COL8A2: variants seen among roughly 807,000 people sequenced by gnomAD.
COL8A2 encodes the protein collagen alpha-2(VIII) chain.
COL8A2 carries 16 observed loss-of-function variants against 24.0 expected under a neutral mutation model. The observed-to-expected ratio is 0.67, with a 90% CI of 0.45 to 1.01. The LOEUF (loss-of-function observed/expected upper bound fraction) is 1.01, where lower values mean the gene tolerates loss of function less well. Among genes scored for constraint, COL8A2 ranks in the 50% least tolerant of loss-of-function variants. The pLI, the probability that COL8A2 is intolerant of heterozygous loss-of-function variation, is 0.00. For synonymous variants in COL8A2, 466 were observed against 424.5 expected, an observed-to-expected ratio of 1.10 and a Z score of -1.20; for missense variants, 818 against 942.4, an observed-to-expected ratio of 0.87 and a Z score of 1.73.
At chr1:36,108,142 G>T (rs1435597059) in intron 2 of COL8A2, among the ~76,000 whole-genome samples, 1 of 152,250 alleles carries the variant, frequency 6.6e-6, no homozygotes, top group Non-Finnish European at 1.5e-5. Context: ...CACCCAGGGA[G>T]TCCATTCCCC....
rs1206633961 is a variant in COL8A2, at chr1:36,096,794, G to A, written c.*775C>T. The A allele has an allele frequency of 6.6e-6, 1 of 152,382 alleles. No individual in the cohort carries two copies. The highest frequency in any genetic ancestry group is 1.5e-5 in the Non-Finnish European group (1 of 68,196). The allele number at this position is 152,382 out of a possible 1,614,324, so 9.4% of individuals were successfully genotyped here. A position where few individuals can be genotyped will look rare whatever the true frequency, so the allele number is the denominator to read the frequency against. On this transcript the variant is annotated 3_prime_UTR_variant, in exon 4 of 4. Coordinates refer to ENST00000397799, the MANE Select transcript of COL8A2 (RefSeq NM_005202.4). ...CTTTCTGGCCTGTAGGTGTCCCAGG[G>A]GCCTCTGTGCTGCCCTCAAGCTAAA...
In COL8A2 at chr1:36,100,249, C is replaced by T. The variant is rs760493536; in HGVS notation, c.-7G>A. ...GTGTCAGAGTCCCCAGCATGGCGTCCGTGGACGTGCTGCAAAGAAGAACAG... is the reference window on the plus strand; with the variant it reads ...GTGTCAGAGTCCCCAGCATGGCGTCTGTGGACGTGCTGCAAAGAAGAACAG... On this transcript the variant is annotated 5_prime_UTR_variant, in exon 3 of 4. Transcript: ENST00000397799. 19 of 1,547,994 alleles carry T rather than the reference C, an allele frequency of 1.2e-5. No individual in the cohort carries two copies. The East Asian group carries it at 2.4e-4, about 20-fold the overall frequency.
intron 1 of COL8A2, among the ~76,000 whole-genome samples, chr1:36,124,056 G>A (rs1463328852): frequency 6.6e-6 from 1 of 152,178 alleles, no homozygotes; most frequent in Non-Finnish European, 1.5e-5. Flanking sequence ...CAAATGCCCA[G>A]TACAGCTGCT....
chr1:36,118,861 G>C (rs140438227), intron 1 of COL8A2, among the ~76,000 whole-genome samples: 1 of 152,188 alleles, frequency 6.6e-6, no homozygotes, highest in Non-Finnish European at 1.5e-5. Context: ...CTCCTACTAC[G>C]GGCAGGCTCT....
chr1:36,098,469 T>C lies in COL8A2; in HGVS notation c.1212A>G (p.Lys404=), dbSNP rs1247889073. The C allele has an allele frequency of 6.3e-7, 1 of 1,575,270 alleles. No homozygotes were observed. The highest frequency in any genetic ancestry group is 1.8e-5 in the Admixed American group (1 of 55,186). The part of the protein sequence containing the change: ...GDQGPSGLAG[K]PGVPGERGLP... ...GTCCCCTCTCACCTGGGACCCCTGG[T>C]TTCCCAGCCAGGCCACTAGGCCCCT... The change falls in exon 4 of 4, where the codon AAA becomes AAG. Residue 404 remains lysine, a synonymous_variant. Coordinates refer to ENST00000397799, the MANE Select transcript of COL8A2 (RefSeq NM_005202.4).
chr1:36,121,065 G>A (rs1284912091), intron 1 of COL8A2, among the ~76,000 whole-genome samples: 9 of 151,212 alleles, frequency 6.0e-5, no homozygotes, highest in Admixed American at 5.9e-4. Flanking sequence ...CTCCAGCCTG[G>A]GCGACAGAGT....
chr1:36,100,339 T>G, intron 2 of COL8A2, 81 bp from the exon 3 acceptor site: 1 of 1,211,068 alleles, frequency 8.3e-7, no homozygotes, highest in Non-Finnish European at 1.2e-6. Context: ...AAGATCAGAA[T>G]TTAGAGATTA....
chr1:36,118,782 G>A (rs1014483924), intron 1 of COL8A2, among the ~76,000 whole-genome samples: 1 of 152,152 alleles, frequency 6.6e-6, no homozygotes, highest in African/African-American at 2.4e-5. Flanking sequence ...CTGAGGTGCT[G>A]ATGGCCATGA....
intron 2 of COL8A2, among the ~76,000 whole-genome samples, chr1:36,114,318 C>A (rs868502732): frequency 5.4e-4 from 62 of 115,286 alleles, no homozygotes; most frequent in Non-Finnish European, 5.2e-4. Context: ...GACTCCATCT[C>A]AAAAAAAAAA....
intron 2 of COL8A2, among the ~76,000 whole-genome samples, chr1:36,108,151 C>T (rs1248609788): frequency 3.3e-5 from 5 of 152,232 alleles, no homozygotes; most frequent in African/African-American, 1.2e-4. Context: ...AGTCCATTCC[C>T]CAGGTCCAAG....
intron 2 of COL8A2, among the ~76,000 whole-genome samples, chr1:36,105,118 G>T (rs1643740195): frequency 6.6e-6 from 1 of 152,140 alleles, no homozygotes; most frequent in African/African-American, 2.4e-5. Flanking sequence ...CTGGGCTTGA[G>T]GTCCCTGCTC....
chr1:36,101,004 G>A (rs1041160324), intron 2 of COL8A2, among the ~76,000 whole-genome samples: 9 of 144,164 alleles, frequency 6.2e-5, no homozygotes, highest in Non-Finnish European at 8.9e-5. Context: ...AGCGATTCTC[G>A]TGCCTTAGCC....
At position 36,097,795 on chromosome 1, in the gene COL8A2, T is replaced by G; in HGVS notation, c.1886A>C (p.Lys629Thr). Residue 629 changes from lysine (K) to threonine (T), a missense_variant, in exon 4 of 4, where the codon AAG becomes ACG. By Grantham distance (78) the Lys-to-Thr change is moderately conservative. Around this residue, in one of 3 missense-constraint regions of COL8A2, gnomAD observed 235 missense variants for 297.3 expected, o/e 0.79. Coordinates refer to ENST00000397799, the MANE Select transcript of COL8A2 (RefSeq NM_005202.4). ...VYYFAYHVHVKGTNVWVALYK... is the reference protein window; with the variant it reads ...VYYFAYHVHVTGTNVWVALYK... ...CAGGGCCACCCACACGTTGGTGCCC[T>G]TGACGTGCACATGGTAAGCAAAGTA... 1.2e-6 allele frequency: 2 copies of G among 1,613,796 alleles called. No individual in the cohort carries two copies. Among genetic ancestry groups the G allele is most frequent in the Non-Finnish European group, 8.5e-7 (1 of 1,180,012 alleles).
intron 1 of COL8A2, among the ~76,000 whole-genome samples, chr1:36,122,232 T>C (rs1313483899): frequency 2.0e-5 from 3 of 152,062 alleles, no homozygotes; most frequent in Admixed American, 6.6e-5. Flanking sequence ...AGTACAGCAT[T>C]CCCATTTTAG....
chr1:36,103,613 T>G (rs938387883), intron 2 of COL8A2, among the ~76,000 whole-genome samples: 1 of 151,766 alleles, frequency 6.6e-6, no homozygotes, highest in African/African-American at 2.4e-5. Context: ...GAGTTTTGCT[T>G]CTGTCACCCA....
rs199880091 is a variant in COL8A2 at position 36,102,594 on chromosome 1, T to TA, written c.-16-2337dup. 6.1e-3 allele frequency among the ~76,000 whole-genome samples: 886 copies of TA among 144,590 alleles called. 6 individuals are homozygous for TA. Among genetic ancestry groups the TA allele is most frequent in the African/African-American group, 0.02 (786 of 39,460 alleles). The allele number at this position is 144,590 out of a possible 152,430, so 94.9% of individuals were successfully genotyped here. On this transcript the variant is annotated intron_variant, in intron 2 of 3. Transcript: ENST00000397799. ...AAATTGCACAGCTCTATGAACACAGTAAAAAAAAACACTGAATTGTACACT... is the reference window on the plus strand; with the variant it reads ...AAATTGCACAGCTCTATGAACACAGTAAAAAAAAAACACTGAATTGTACACT...
chr1:36,100,244 G>T lies in COL8A2; in HGVS notation c.-2C>A. The T allele has an allele frequency of 6.4e-7, 1 of 1,553,136 alleles. No individual in the cohort carries two copies. On this transcript the variant is annotated 5_prime_UTR_variant, in exon 3 of 4. Transcript: ENST00000397799. ...CAGGGGTGTCAGAGTCCCCAGCATG[G>T]CGTCCGTGGACGTGCTGCAAAGAAG...
chr1:36,095,791 C>A lies in COL8A2; in HGVS notation c.*1778G>T, dbSNP rs1643553217. ...GGGAAGAAGAGGTTGAGCGAAGAAC[C>A]CCCACCAGGTATGGTTTGAGAGTCC... On this transcript the variant is annotated 3_prime_UTR_variant, in exon 4 of 4. Transcript: ENST00000397799. 6.6e-6 allele frequency: 1 copy of A among 152,160 alleles called. No homozygotes were observed. Among genetic ancestry groups the A allele is most frequent in the Non-Finnish European group, 1.5e-5 (1 of 68,044 alleles). 9.4% of individuals were successfully genotyped at this position (152,160 alleles called of 1,614,324 possible). A position where few individuals can be genotyped will look rare whatever the true frequency, so the allele number is the denominator to read the frequency against.
At position 36,098,435 on chromosome 1, in the gene COL8A2, C is replaced by G; in HGVS notation, c.1246G>C (p.Ala416Pro). The G allele has an allele frequency of 6.3e-7, 1 of 1,585,424 alleles. No individual in the cohort carries two copies. Residue 416 changes from alanine (A) to proline (P), a missense_variant, in exon 4 of 4, where the codon GCC becomes CCC. Ala to Pro is a conservative substitution (Grantham distance 27). Around this residue, in one of 3 missense-constraint regions of COL8A2, gnomAD observed 573 missense variants for 616.8 expected, o/e 0.93. Transcript: ENST00000397799. ...GVPGERGLPGAHGPPGPTGPK... is the reference protein window; with the variant it reads ...GVPGERGLPGPHGPPGPTGPK... ...CCAGTTGGTCCAGGGGGTCCATGGG[C>G]CCCAGGAAGTCCCCTCTCACCTGGG...
Sources: gnomAD v4.1 joint callset for allele counts (sites outside exome capture counted in the v4.1 genomes callset) on GRCh38, gnomAD v4.1.1 for gene constraint, gnomAD v4.1.1 regional missense constraint, MANE v1.5 for transcripts, NCBI Gene and HGNC (gene_info 2026-07-23, HGNC 2026-07-21) for gene names.